The following ZW10 variants were observed in gnomAD, a reference collection of about 807,000 sequenced individuals.
ZW10 encodes the protein zw10 kinetochore protein, also known as centromere/kinetochore protein zw10 homolog.
A neutral mutation model predicts 87.8 loss-of-function variants in ZW10; 53 were observed. The ratio of observed to expected loss-of-function variants is 0.60; its 90% confidence interval spans 0.48 to 0.76. The LOEUF (loss-of-function observed/expected upper bound fraction) is 0.76. Ranked by LOEUF, ZW10 falls within the 30% of genes least tolerant of loss-of-function variation. The probability of loss-of-function intolerance (pLI) is 0.00; values close to 1 mark genes in which losing one functional copy is unlikely to be tolerated. For synonymous variants in ZW10, 312 were observed against 329.2 expected (o/e 0.95, Z 0.57); for missense variants, 837 against 923.0 (o/e 0.91, Z 1.21).
chr11:113,736,519 GA>G, intron 15 of ZW10, 100 bp downstream of exon 15: 1 of 1,209,166 alleles, frequency 8.3e-7, no homozygotes, highest in Non-Finnish European at 1.2e-6. Context: ...AGTCTTGCAT[GA>G]CTAACATCAG....
chr11:113,733,788 G>C lies in ZW10; in HGVS notation c.2246C>G (p.Ala749Gly). 1.2e-6 allele frequency: 2 copies of C among 1,610,198 alleles called. No individual in the cohort carries two copies. The highest frequency in any genetic ancestry group is 1.7e-6 in the Non-Finnish European group (2 of 1,177,588). The change falls in exon 16 of 16, where the codon GCA becomes GGA. Residue 749 changes from alanine to glycine, a missense_variant. Physicochemically the swap from Ala to Gly is moderately conservative, Grantham distance 60. Transcript: ENST00000200135. The part of the protein sequence containing the change: ...DRWADGKGPL[A>G]AAFSSSEVKA... ...TACTTCACTGGAAGAGAACGCAGCTGCCAGGGGTCCTTTTCCATCTGCCCA... is the reference window on the plus strand; with the variant it reads ...TACTTCACTGGAAGAGAACGCAGCTCCCAGGGGTCCTTTTCCATCTGCCCA...
intron 2 of ZW10, among the ~76,000 whole-genome samples, chr11:113,761,521 T>G (rs1442951281): frequency 1.3e-5 from 2 of 152,158 alleles, no homozygotes; most frequent in African/African-American, 4.8e-5. Context: ...ACTCAAGCGA[T>G]CTGCCCACCT....
intron 15 of ZW10, 55 bp downstream of exon 15, chr11:113,736,565 T>C: frequency 6.4e-7 from 1 of 1,574,740 alleles, no homozygotes. Flanking sequence ...AAGGGCACTA[T>C]TACTCTCTTG....
At position 113,760,829 on chromosome 11, in the gene ZW10, T is replaced by C; in HGVS notation, c.330A>G (p.Lys110=). 6.2e-7 allele frequency: 1 copy of C among 1,613,954 alleles called. No homozygotes were observed. The highest frequency in any genetic ancestry group is 8.5e-7 in the Non-Finnish European group (1 of 1,179,948). ...ERDSVVLSLL[K]QLQEFSTAIE... is the part of the protein sequence containing the mutation. ...TGAGTTTACTGACCTCCTGCAACTG[T>C]TTAAGCAAACTTAGGACAACTGAGT... Residue 110 remains lysine (K), a synonymous_variant, in exon 3 of 16, where the codon AAA becomes AAG. Transcript: ENST00000200135.
At chr11:113,744,296 A>G (rs1312037004) in intron 9 of ZW10, among the ~76,000 whole-genome samples, 1 of 151,996 alleles carries the variant, frequency 6.6e-6, no homozygotes, top group Non-Finnish European at 1.5e-5. Context: ...CTGAGGCAGG[A>G]GAATGGCGCA....
intron 10 of ZW10, 77 bp from the exon 11 acceptor site, chr11:113,741,842 T>C: frequency 1.0e-6 from 1 of 970,724 alleles, no homozygotes; most frequent in Non-Finnish European, 1.6e-6. Flanking sequence ...ACTAAGTGCA[T>C]CTTCAGTGAG....
Position 113,737,706 on chromosome 11 carries a change from G to A in ZW10, c.1885-3C>T, listed in dbSNP as rs200095318. The A allele has an allele frequency of 1.9e-6, 3 of 1,601,598 alleles. No individual in the cohort carries two copies. Among genetic ancestry groups the A allele is most frequent in the South Asian group, 1.1e-5 (1 of 89,560 alleles). ...AGTCTCTTTAGTTGGTGCAGTACCT[G>A]TAGAAGAATACAGCTATTTACGTGG... On this transcript the variant is annotated splice_polypyrimidine_tract_variant and splice_region_variant and intron_variant, in intron 13 of 15. Transcript: ENST00000200135.
At chr11:113,765,347 C>T (rs957287587) in intron 2 of ZW10, among the ~76,000 whole-genome samples, 2 of 152,120 alleles carry the variant, frequency 1.3e-5, no homozygotes, top group African/African-American at 4.8e-5. Context: ...TAATAGCACC[C>T]AACTAGATTA....
At chr11:113,767,129 G>A (rs916983678) in intron 2 of ZW10, among the ~76,000 whole-genome samples, 2 of 149,880 alleles carry the variant, frequency 1.3e-5, no homozygotes, top group African/African-American at 4.9e-5. Context: ...TACTAGAATA[G>A]CTGGGCCTTA....
At chr11:113,755,973 T>G (rs1308291783) in intron 7 of ZW10, among the ~76,000 whole-genome samples, 3 of 152,204 alleles carry the variant, frequency 2.0e-5, no homozygotes, top group Admixed American at 2.0e-4. Flanking sequence ...ACAGTGTAAC[T>G]ATAACTTTTA....
intron 9 of ZW10, among the ~76,000 whole-genome samples, chr11:113,745,299 AT>A (rs1175758855): frequency 2.7e-5 from 4 of 148,846 alleles, no homozygotes; most frequent in Non-Finnish European, 6.0e-5. Flanking sequence ...TGCTTCAGGG[AT>A]TAAAAAAAAA....
At chr11:113,755,039 C>G (rs1039232914) in intron 7 of ZW10, among the ~76,000 whole-genome samples, 25 of 152,182 alleles carry the variant, frequency 1.6e-4, no homozygotes, top group African/African-American at 6.0e-4. Context: ...GGCAATGCAC[C>G]TGGACGCCCA....
At chr11:113,760,631 C>T in intron 3 of ZW10, 41 bp from the exon 4 acceptor site, 1 of 1,510,438 alleles carries the variant, frequency 6.6e-7, no homozygotes, top group African/African-American at 1.4e-5. Context: ...CCTATTATTT[C>T]AAGTCTGTTT....
rs1261897703 is a variant in ZW10, at chr11:113,760,264, A to C, written c.525T>G (p.Tyr175Ter). The change falls in exon 5 of 16, where the codon TAT becomes TAG. Residue 175 changes from tyrosine to a stop codon, truncating the protein, a stop_gained. Transcript: ENST00000200135. LOFTEE classifies it high-confidence loss of function. ...GCTTCTGCCACTCTTCTCCAAGGTG[A>C]TAAAGTATGTTCTGTTTCTGTATTG... ...ELTIQKQNIL[Y>*]HLGEEWQKLI... 1 of 1,614,148 alleles carries C rather than the reference A, an allele frequency of 6.2e-7. No individual in the cohort carries two copies.
chr11:113,736,815 G>C lies in ZW10; in HGVS notation c.2024C>G (p.Ser675Cys). The C allele has an allele frequency of 6.2e-7, 1 of 1,614,068 alleles. No individual in the cohort carries two copies. Among genetic ancestry groups the C allele is most frequent in the Non-Finnish European group, 8.5e-7 (1 of 1,179,980 alleles). ...IGKITALEDISTEDGDRLYSL... is the reference protein window; with the variant it reads ...IGKITALEDICTEDGDRLYSL... ...ATATAACCTATCACCATCTTCAGTAGATATGTCCTGGTTTTGCACAGAGGA... is the reference window on the plus strand; with the variant it reads ...ATATAACCTATCACCATCTTCAGTACATATGTCCTGGTTTTGCACAGAGGA... The change falls in exon 15 of 16, where the codon TCT becomes TGT. Residue 675 changes from serine to cysteine, a missense_variant. Ser to Cys is a moderately radical substitution (Grantham distance 112). Transcript: ENST00000200135.
rs750960567 is a variant in ZW10, at chr11:113,760,561, AC to A, written c.371del (p.Cys124LeufsTer3). The A allele has an allele frequency of 6.2e-7, 1 of 1,613,768 alleles. No individual in the cohort carries two copies. Reference sequence around the variant, plus strand: ...TGACATACTTCTTCTCTGTTAATGCACAATTATATTCTTCAATAGCAGTGGA... The same window carrying A: ...TGACATACTTCTTCTCTGTTAATGCAAATTATATTCTTCAATAGCAGTGGA... ...EFSTAIEEYNCALTEKKYVTG... is the reference protein window; with the variant it reads ...EFSTAIEEYNXALTEKKYVTG... On this transcript the variant is annotated frameshift_variant, in exon 4 of 16. Coordinates refer to ENST00000200135, the MANE Select transcript of ZW10 (RefSeq NM_004724.4). LOFTEE classifies it high-confidence loss of function.
At chr11:113,745,312 A>C (rs1337913302) in intron 9 of ZW10, among the ~76,000 whole-genome samples, 31 of 152,188 alleles carry the variant, frequency 2.0e-4, no homozygotes, top group Non-Finnish European at 2.9e-5. Context: ...AAAAAAAAAA[A>C]AAAAGATAAA....
intron 2 of ZW10, among the ~76,000 whole-genome samples, chr11:113,765,577 C>T (rs1005169547): frequency 1.3e-5 from 2 of 152,174 alleles, no homozygotes; most frequent in East Asian, 3.8e-4. Context: ...AAGAGCAATA[C>T]TTCTCAAACT....
chr11:113,762,582 A>G (rs1022074136), intron 2 of ZW10, among the ~76,000 whole-genome samples: 4 of 151,900 alleles, frequency 2.6e-5, no homozygotes, highest in African/African-American at 7.3e-5. Flanking sequence ...CAGTGGCACA[A>G]TCTCGGCTCA....
Sources: allele counts gnomAD v4.1 joint callset (sites outside exome capture counted in the v4.1 genomes callset), GRCh38; gene constraint gnomAD v4.1.1; transcripts MANE v1.5; gene names NCBI Gene and HGNC (gene_info 2026-07-23, HGNC 2026-07-21).